The following CTTNBP2 variants were observed in gnomAD, a reference collection of about 807,000 sequenced individuals.
CTTNBP2 encodes cortactin-binding protein 2.
Under a neutral mutation model 156.9 loss-of-function variants are expected in CTTNBP2, and 108 were observed. The ratio of observed to expected loss-of-function variants is 0.69; its 90% CI spans 0.59 to 0.81. The LOEUF (loss-of-function observed/expected upper bound fraction) is 0.81. Ranked by LOEUF, CTTNBP2 falls within the 30% of genes least tolerant of loss-of-function variation. The pLI is 0.00. For synonymous variants in CTTNBP2, 767 were observed against 751.8 expected, an observed-to-expected ratio of 1.02 and a Z score of -0.33; for missense variants, 1,924 against 2,035.4, an observed-to-expected ratio of 0.95 and a Z score of 1.05.
chr7:117,748,357 G>A (rs1032723726), intron 12 of CTTNBP2, among the ~76,000 whole-genome samples: 2 of 152,118 alleles, frequency 1.3e-5, no homozygotes, highest in South Asian at 2.1e-4. Context: ...GATATGCATA[G>A]TCATAATTTT....
chr7:117,727,053 C>T (rs139635870), intron 17 of CTTNBP2, among the ~76,000 whole-genome samples: 22 of 152,236 alleles, frequency 1.4e-4, no homozygotes, highest in Non-Finnish European at 2.6e-4. Flanking sequence ...ATTTAACTGA[C>T]ATAATAATGA....
At chr7:117,735,777 G>A (rs966305583) in intron 14 of CTTNBP2, among the ~76,000 whole-genome samples, 1 of 152,114 alleles carries the variant, frequency 6.6e-6, no homozygotes, top group African/African-American at 2.4e-5. Flanking sequence ...AATATATTAA[G>A]AAGCAAATCA....
chr7:117,864,121 A>T (rs1161477222), intron 1 of CTTNBP2, among the ~76,000 whole-genome samples: 2 of 152,186 alleles, frequency 1.3e-5, no homozygotes, highest in Non-Finnish European at 2.9e-5. Context: ...CCCTGCTTCC[A>T]TCAGTAGCAG....
At chr7:117,815,827 A>T (rs1800543305) in intron 2 of CTTNBP2, among the ~76,000 whole-genome samples, 1 of 152,152 alleles carries the variant, frequency 6.6e-6, no homozygotes, top group African/African-American at 2.4e-5. Context: ...CACCCAGTTT[A>T]TCATCTGTGA....
At chr7:117,821,027 T>C (rs1417346560) in intron 2 of CTTNBP2, among the ~76,000 whole-genome samples, 7 of 152,308 alleles carry the variant, frequency 4.6e-5, no homozygotes, top group Admixed American at 3.9e-4. Context: ...AATTTCACTT[T>C]CTAAATATTT....
At chr7:117,825,977 T>A (rs1284395833) in intron 2 of CTTNBP2, among the ~76,000 whole-genome samples, 1 of 152,172 alleles carries the variant, frequency 6.6e-6, no homozygotes, top group Non-Finnish European at 1.5e-5. Context: ...TATTTAGAAC[T>A]CCCAGCTGCA....
Position 117,792,737 on chromosome 7 carries a change from G to A in CTTNBP2, c.459C>T (p.His153=), listed in dbSNP as rs745318260. The change falls in exon 4 of 23, where the codon CAC becomes CAT. Residue 153 remains histidine (H), a synonymous_variant. Coordinates refer to ENST00000160373, the MANE Select transcript of CTTNBP2 (RefSeq NM_033427.3). The surrounding 1 kb of genome is among the most constrained non-coding windows in gnomAD (Gnocchi z 4.2). ...KLQLQALEQE[H]KKLAARLEEE... is the part of the protein sequence containing the mutation. ...CCTCAAGGCGGGCAGCCAGCTTCTT[G>A]TGCTCTTGCTCAAGGGCTTGTAGCT... 2.1e-5 allele frequency: 34 copies of A among 1,605,798 alleles called. No individual in the cohort carries two copies. Among genetic ancestry groups the A allele is most frequent in the Middle Eastern group, 1.7e-4 (1 of 6,020 alleles).
intron 1 of CTTNBP2, 28 bp downstream of exon 1, chr7:117,873,307 C>T: frequency 7.1e-7 from 1 of 1,417,960 alleles, no homozygotes; most frequent in African/African-American, 1.5e-5. Flanking sequence ...CTACACTAGC[C>T]CCGCGCCCGC....
intron 8 of CTTNBP2, 60 bp downstream of exon 8, chr7:117,777,451 A>G (rs574244259): frequency 6.4e-7 from 1 of 1,552,492 alleles, no homozygotes; most frequent in East Asian, 2.3e-5. Context: ...TCTATAGCAG[A>G]CAACTTTGCT....
At chr7:117,755,467 A>C in intron 12 of CTTNBP2, 1 of 415,096 alleles carries the variant, frequency 2.4e-6, no homozygotes, top group Admixed American at 3.4e-5. Flanking sequence ...CAGTAGTATT[A>C]GTTTCAGATT....
At chr7:117,866,072 C>T (rs535522895) in intron 1 of CTTNBP2, among the ~76,000 whole-genome samples, 4 of 151,570 alleles carry the variant, frequency 2.6e-5, no homozygotes, top group East Asian at 1.9e-4. Flanking sequence ...AATTACTTGG[C>T]GCAAGCGTGG....
chr7:117,731,791 G>T (rs745870021), intron 16 of CTTNBP2, among the ~76,000 whole-genome samples: 2 of 152,202 alleles, frequency 1.3e-5, no homozygotes, highest in Non-Finnish European at 2.9e-5. Context: ...GACATGTTGA[G>T]TTTGTTACGT....
At chr7:117,713,018 T>A in intron 22 of CTTNBP2, among the ~76,000 whole-genome samples, 1 of 152,278 alleles carries the variant, frequency 6.6e-6, no homozygotes, top group East Asian at 1.9e-4. Flanking sequence ...TCCTGTCAGA[T>A]CAGCAGCATT....
At chr7:117,743,761 CAAAAAAAAAAAA>C (rs556372208) in intron 14 of CTTNBP2, among the ~76,000 whole-genome samples, 8 of 19,622 alleles carry the variant, frequency 4.1e-4, no homozygotes, top group African/African-American at 4.5e-4. Context: ...GACTCTGTCT[CAAAAAAAAAAAA>C]AAAAAAAAAA....
rs1794014788 is a variant in CTTNBP2, at chr7:117,710,780, T to G, written c.*757A>C. The G allele has an allele frequency of 6.6e-6, 1 of 152,620 alleles. No homozygotes were observed. Among genetic ancestry groups the G allele is most frequent in the Non-Finnish European group, 1.5e-5 (1 of 68,006 alleles). 9.5% of individuals were successfully genotyped at this position (152,620 alleles called of 1,614,324 possible). On this transcript the variant is annotated 3_prime_UTR_variant, in exon 23 of 23. Transcript: ENST00000160373. ...TTATCAGTTGTGCTACTAGAAATAT[T>G]GAAGGAGTTAATTCTGAATTTATTC...
chr7:117,719,703 T>C (rs1794672914), intron 20 of CTTNBP2, 67 bp from the exon 21 acceptor site: 3 of 1,384,674 alleles, frequency 2.2e-6, no homozygotes, highest in South Asian at 1.4e-5. Flanking sequence ...ATCTAGACAC[T>C]GTACCTTTTT....
At chr7:117,845,852 T>C (rs1802549781) in intron 2 of CTTNBP2, among the ~76,000 whole-genome samples, 1 of 152,086 alleles carries the variant, frequency 6.6e-6, no homozygotes, top group Admixed American at 6.5e-5. Flanking sequence ...CTGTTAATTT[T>C]TTTTTCTTTT....
chr7:117,797,615 A>C (rs1799388205), intron 3 of CTTNBP2, among the ~76,000 whole-genome samples: 1 of 152,198 alleles, frequency 6.6e-6, no homozygotes, highest in Non-Finnish European at 1.5e-5. Context: ...TAAAAAAAGA[A>C]CCAAATGTAC....
intron 3 of CTTNBP2, among the ~76,000 whole-genome samples, chr7:117,804,746 C>T (rs113207395): frequency 1.7e-3 from 264 of 152,200 alleles, no homozygotes; most frequent in African/African-American, 5.8e-3. Flanking sequence ...CAGGGAGGGG[C>T]ACAACACACA....
Sources: allele counts gnomAD v4.1 joint callset (sites outside exome capture counted in the v4.1 genomes callset), GRCh38; gene constraint gnomAD v4.1.1; non-coding constraint Gnocchi (gnomAD v3.1); transcripts MANE v1.5; gene names NCBI Gene and HGNC (gene_info 2026-07-23, HGNC 2026-07-21).